Variants in TCEA1 observed in about 807,000 individuals in gnomAD.
TCEA1 encodes transcription elongation factor A1, also known as transcription elongation factor A protein 1.
A neutral mutation model predicts 43.8 loss-of-function variants in TCEA1; 21 were observed. The ratio of observed to expected loss-of-function variants is 0.48; its 90% CI spans 0.34 to 0.69. TCEA1 has a LOEUF of 0.69. Ranked by LOEUF, TCEA1 falls within the 30% of genes least tolerant of loss-of-function variation. The pLI is 0.01. For synonymous variants in TCEA1, 104 were observed against 117.5 expected (o/e 0.88, Z 0.75); for missense variants, 250 against 365.1 (o/e 0.68, Z 2.57).
chr8:53,998,674 T>C lies in TCEA1; in HGVS notation c.232+1271A>G, dbSNP rs1390714469. The stretch of plus-strand genomic sequence containing the variant: ...AAAATTGACAGCCCCAAAATAAAAT[T>C]TAAGGTGAGGGAATTCATATTTGTT... On this transcript the variant is annotated intron_variant, in intron 3 of 9. Transcript: ENST00000521604. 4.6e-5 allele frequency among the ~76,000 whole-genome samples: 7 copies of C among 152,136 alleles called. 1 individual carries two copies. Among genetic ancestry groups the C allele is most frequent in the Admixed American group, 2.0e-4 (3 of 15,276 alleles).
intron 8 of TCEA1, chr8:53,972,705 G>T: frequency 1.5e-6 from 1 of 660,284 alleles, no homozygotes; most frequent in South Asian, 1.4e-5. Context: ...CCCAAAAAAG[G>T]ACTGGACCTC....
chr8:53,986,897 C>T lies in TCEA1; in HGVS notation c.523+72G>A, dbSNP rs558366185. 9.0e-6 allele frequency: 11 copies of T among 1,228,192 alleles called. No homozygotes were observed. The African/African-American group carries it at 1.5e-4, about 17-fold the overall frequency. The allele number at this position is 1,228,192 out of a possible 1,614,324, so 76.1% of individuals were successfully genotyped here. On this transcript the variant is annotated intron_variant, in intron 6 of 9. Transcript: ENST00000521604. ...AGGACTACTGCATGTAAAACCGTGC[C>T]TGGCATTTGCATATGTTCAATAAAT...
At chr8:53,994,034 G>T (rs1428265936) in intron 3 of TCEA1, among the ~76,000 whole-genome samples, 4 of 152,210 alleles carry the variant, frequency 2.6e-5, no homozygotes, top group African/African-American at 9.6e-5. Flanking sequence ...GAAGAATATG[G>T]AAATATCTGC....
intron 9 of TCEA1, 42 bp from the exon 10 acceptor site, chr8:53,968,154 CA>C: frequency 6.8e-7 from 1 of 1,463,404 alleles, no homozygotes; most frequent in Non-Finnish European, 9.3e-7. Context: ...CTTTAAATAC[CA>C]ATAAGGTACA....
At chr8:53,968,686 C>G (rs1350074103) in intron 9 of TCEA1, among the ~76,000 whole-genome samples, 3 of 151,506 alleles carry the variant, frequency 2.0e-5, no homozygotes, top group Admixed American at 6.6e-5. Context: ...TACTAAAATA[C>G]AAAAAATTAG....
At chr8:53,970,282 G>C (rs757041233) in intron 9 of TCEA1, 110 bp downstream of exon 9, 3 of 788,434 alleles carry the variant, frequency 3.8e-6, no homozygotes, top group Middle Eastern at 2.2e-4. Context: ...GTACTGTATA[G>C]TGTGAGCATA....
Position 53,979,095 on chromosome 8 carries a change from T to C in TCEA1, c.755A>G (p.Lys252Arg), listed in dbSNP as rs965028555. 1.2e-6 allele frequency: 2 copies of C among 1,613,784 alleles called. No homozygotes were observed. The highest frequency in any genetic ancestry group is 2.7e-5 in the African/African-American group (2 of 74,940). Reference sequence around the variant, plus strand: ...CAAGTCAGTCTGGGTCCCACCAGTCTTGGCCATCTGATGCTCTCTGATGGC... The same window carrying C: ...CAAGTCAGTCTGGGTCCCACCAGTCCTGGCCATCTGATGCTCTCTGATGGC... Reference protein sequence around the residue: ...KEAIREHQMAKTGGTQTDLFT... With the variant: ...KEAIREHQMARTGGTQTDLFT... The change falls in exon 8 of 10, where the codon AAG (lysine) becomes AGG (arginine). Residue 252 changes from lysine to arginine, a missense_variant. Coordinates refer to ENST00000521604, the MANE Select transcript of TCEA1 (RefSeq NM_006756.4).
intron 2 of TCEA1, among the ~76,000 whole-genome samples, chr8:54,006,797 CCTTTCTCTTA>C (rs1804478777): frequency 6.6e-6 from 1 of 152,290 alleles, no homozygotes; most frequent in Admixed American, 6.5e-5. Context: ...TGACTTACTT[CCTTTCTCTTA>C]CTTTCTCTTT....
intron 3 of TCEA1, among the ~76,000 whole-genome samples, chr8:53,995,294 C>CAAAAAAAAAAAAAAAAAA (rs925755044): frequency 1.7e-5 from 1 of 57,930 alleles, no homozygotes; most frequent in Non-Finnish European, 3.8e-5. Flanking sequence ...GACTCTGTCT[C>CAAAAAAAAAAAAAAAAAA]AAAAAAAAAA....
chr8:53,989,178 G>C lies in TCEA1; in HGVS notation c.321-919C>G, dbSNP rs115259051. On this transcript the variant is annotated intron_variant, in intron 4 of 9. Coordinates refer to ENST00000521604, the MANE Select transcript of TCEA1 (RefSeq NM_006756.4). ...TGATGAGTCATGAGGCTACAAAATG[G>C]TGTGTTTCTCCCCAGAAACATCACC... 2.0e-5 allele frequency among the ~76,000 whole-genome samples: 3 copies of C among 152,278 alleles called. No individual in the cohort carries two copies. In the South Asian group the frequency reaches 6.2e-4, roughly 32 times the overall value.
intron 6 of TCEA1, 23 bp from the exon 7 acceptor site, chr8:53,984,540 A>C (rs373888938): frequency 2.4e-5 from 37 of 1,526,994 alleles, no homozygotes; most frequent in East Asian, 1.4e-4. Context: ...TAAGGAAAAA[A>C]GGCAAAATTA....
Position 54,003,861 on chromosome 8 carries a change from A to G in TCEA1, c.127-3811T>C, listed in dbSNP as rs143360544. On this transcript the variant is annotated intron_variant, in intron 2 of 9. Coordinates refer to ENST00000521604, the MANE Select transcript of TCEA1 (RefSeq NM_006756.4). ...AAAGCAAAAAGATAATTCACAGAAA[A>G]AGAGACAATATTTGCAAACTCTATG... Among the ~76,000 whole-genome samples, 843 of 152,270 alleles carry G rather than the reference A, an allele frequency of 5.5e-3. 10 individuals are homozygous for G. The highest frequency in any genetic ancestry group is 0.019 in the African/African-American group (800 of 41,572).
intron 7 of TCEA1, among the ~76,000 whole-genome samples, chr8:53,984,124 T>C (rs1217666327): frequency 6.6e-6 from 1 of 152,170 alleles, no homozygotes; most frequent in Non-Finnish European, 1.5e-5. Flanking sequence ...GTAAAACACG[T>C]TTGTTTTTAG....
At chr8:53,997,312 A>T (rs1455741571) in intron 3 of TCEA1, among the ~76,000 whole-genome samples, 3 of 152,190 alleles carry the variant, frequency 2.0e-5, no homozygotes, top group Non-Finnish European at 2.9e-5. Context: ...GGTTTGAGCA[A>T]AAAATCAATG....
chr8:54,011,223 A>G lies in TCEA1; in HGVS notation c.64-731T>C, dbSNP rs145338702. On this transcript the variant is annotated intron_variant, in intron 1 of 9. Transcript: ENST00000521604. ...AGTAAAACAAAATTGGCTGTTACTA[A>G]AAGTACTTCACATTCAGAACTTTTT... Among the ~76,000 whole-genome samples, 375 of 152,368 alleles carry G rather than the reference A, an allele frequency of 2.5e-3. 7 individuals carry two copies. The highest frequency in any genetic ancestry group is 8.4e-3 in the African/African-American group (349 of 41,590).
In TCEA1 at chr8:54,022,374, A is replaced by T; in HGVS notation, c.-249T>A. On this transcript the variant is annotated 5_prime_UTR_variant, in exon 1 of 10. Coordinates refer to ENST00000521604, the MANE Select transcript of TCEA1 (RefSeq NM_006756.4). ...CGTGCAGGCGCTACCAACTGACTGC[A>T]GATCGCTGGTGAGGGGCGAGCCCAT... is the stretch of plus-strand genomic sequence containing the variant. The T allele has an allele frequency of 1.8e-6, 1 of 545,864 alleles. No individual in the cohort carries two copies. Among genetic ancestry groups the T allele is most frequent in the Non-Finnish European group, 3.2e-6 (1 of 312,174 alleles). The allele number at this position is 545,864 out of a possible 1,614,324, so 33.8% of individuals were successfully genotyped here.
chr8:53,991,688 C>G (rs1490801020), intron 4 of TCEA1, among the ~76,000 whole-genome samples: 3 of 151,474 alleles, frequency 2.0e-5, no homozygotes, highest in Admixed American at 1.3e-4. Context: ...GAGTGAAACT[C>G]TGTCTCAAAA....
intron 4 of TCEA1, among the ~76,000 whole-genome samples, chr8:53,990,226 AC>A (rs1416536113): frequency 6.8e-6 from 1 of 147,136 alleles, no homozygotes; most frequent in African/African-American, 2.5e-5. Context: ...CAACAAACAA[AC>A]CTTTTTTTTT....
intron 2 of TCEA1, among the ~76,000 whole-genome samples, chr8:54,008,959 C>A (rs960136920): frequency 4.0e-5 from 6 of 150,986 alleles, no homozygotes; most frequent in African/African-American, 1.2e-4. Flanking sequence ...AACTGATTCT[C>A]GTGCCTCAGC....
Sources: allele counts gnomAD v4.1 joint callset (sites outside exome capture counted in the v4.1 genomes callset), GRCh38; gene constraint gnomAD v4.1.1; transcripts MANE v1.5; gene names NCBI Gene and HGNC (gene_info 2026-07-23, HGNC 2026-07-21).